The following DGKB variants were observed in gnomAD, a reference collection of about 807,000 sequenced individuals.
DGKB encodes the protein 90 kDa diacylglycerol kinase.
In DGKB, 67 loss-of-function variants were observed where a neutral mutation model predicts 114.3. The observed-to-expected ratio is 0.59, with a 90% CI of 0.48 to 0.72. DGKB has a LOEUF of 0.72. Ranked by LOEUF, DGKB falls within the 30% of genes least tolerant of loss-of-function variation. DGKB has a pLI of 0.00. For synonymous variants in DGKB, 398 were observed against 323.1 expected (o/e 1.23, Z -2.49); for missense variants, 907 against 975.2 (o/e 0.93, Z 0.93).
At chr7:14,181,215 C>G (rs73065755) in intron 23 of DGKB, among the ~76,000 whole-genome samples, 1 of 152,032 alleles carries the variant, frequency 6.6e-6, no homozygotes, top group South Asian at 2.1e-4. Context: ...ACCATATGGT[C>G]GACAAAGCTG....
upstream of DGKB, among the ~76,000 whole-genome samples, chr7:14,905,932 A>G (rs1313139229): frequency 6.6e-6 from 1 of 152,172 alleles, no homozygotes; most frequent in Admixed American, 6.5e-5. Flanking sequence ...CTGCTAAATA[A>G]CTGGCACTTT....
At chr7:14,855,364 T>G (rs1484240357) in intron 1 of DGKB, among the ~76,000 whole-genome samples, 1 of 152,170 alleles carries the variant, frequency 6.6e-6, no homozygotes, top group Non-Finnish European at 1.5e-5. Flanking sequence ...GGTATATAGT[T>G]TTAATCTTGA....
At chr7:14,171,281 G>A (rs1263730516) in intron 25 of DGKB, among the ~76,000 whole-genome samples, 2 of 152,164 alleles carry the variant, frequency 1.3e-5, no homozygotes, top group African/African-American at 4.8e-5. Flanking sequence ...TAGTCTACCT[G>A]TGATCATTTC....
At chr7:14,802,527 G>T (rs933667212) in intron 2 of DGKB, among the ~76,000 whole-genome samples, 17 of 151,944 alleles carry the variant, frequency 1.1e-4, no homozygotes, top group African/African-American at 3.6e-4. Context: ...TAAAAATTTT[G>T]TTAACATTCT....
At chr7:14,671,357 C>T (rs1818933529) in intron 13 of DGKB, among the ~76,000 whole-genome samples, 1 of 152,064 alleles carries the variant, frequency 6.6e-6, no homozygotes, top group Non-Finnish European at 1.5e-5. Flanking sequence ...TCATCACACG[C>T]TTCAGAGTAG....
chr7:14,388,335 T>C (rs1393848272), intron 21 of DGKB, among the ~76,000 whole-genome samples: 1 of 148,844 alleles, frequency 6.7e-6, no homozygotes, highest in Admixed American at 6.7e-5. Context: ...CATATATTCA[T>C]TTAAATATAT....
At chr7:14,542,634 C>A (rs966665900) in intron 20 of DGKB, among the ~76,000 whole-genome samples, 27 of 152,250 alleles carry the variant, frequency 1.8e-4, no homozygotes, top group African/African-American at 6.3e-4. Context: ...TTCAGACATT[C>A]AAACGTTAAG....
At chr7:14,908,578 C>G (rs1379777521) in intron 1 of DGKB, among the ~76,000 whole-genome samples, 2 of 152,084 alleles carry the variant, frequency 1.3e-5, no homozygotes, top group Non-Finnish European at 2.9e-5. Context: ...ATATTGTTTA[C>G]AATTTAGAGA....
At chr7:14,239,007 G>T (rs1417012943) in intron 23 of DGKB, among the ~76,000 whole-genome samples, 1 of 152,020 alleles carries the variant, frequency 6.6e-6, no homozygotes, top group South Asian at 2.1e-4. Context: ...TTCCAAGGGA[G>T]ATAGATGAAT....
intron 13 of DGKB, 35 bp downstream of exon 13, chr7:14,672,894 C>T: frequency 7.8e-7 from 1 of 1,283,070 alleles, no homozygotes; most frequent in Non-Finnish European, 1.1e-6. Flanking sequence ...TCACAGCAAT[C>T]CTAAGTTATA....
chr7:14,231,082 C>CTTT (rs1791668832), intron 23 of DGKB, among the ~76,000 whole-genome samples: 1 of 121,764 alleles, frequency 8.2e-6, no homozygotes, highest in African/African-American at 3.0e-5. Context: ...TTCTTCTTTC[C>CTTT]CTTTCTTTCT....
At position 14,919,062 on chromosome 7, in the gene DGKB, GCACA is replaced by G. The variant is rs767285844; in HGVS notation, c.-188+55630_-188+55633del. 1.9e-3 allele frequency among the ~76,000 whole-genome samples: 224 copies of G among 118,132 alleles called. 1 individual carries two copies. Among genetic ancestry groups the G allele is most frequent in the Non-Finnish European group, 2.2e-3 (124 of 57,502 alleles). The allele number at this position is 118,132 out of a possible 152,430, so 77.5% of individuals were successfully genotyped here. On this transcript the variant is annotated intron_variant, in intron 1 of 4. Transcript: ENST00000437998. ...GTGACAGAGTGAGACTCCACCACAC[GCACA>G]CACACACACACACACACACACACAC...
chr7:14,688,447 TG>T (rs1456600213), intron 9 of DGKB, among the ~76,000 whole-genome samples: 1 of 152,152 alleles, frequency 6.6e-6, no homozygotes, highest in East Asian at 1.9e-4. Flanking sequence ...GAAGTTAATT[TG>T]GTTTCTCAGA....
intron 23 of DGKB, among the ~76,000 whole-genome samples, chr7:14,244,039 G>C (rs982216221): frequency 1.4e-5 from 2 of 139,604 alleles, no homozygotes; most frequent in Non-Finnish European, 3.2e-5. Context: ...GAGAGAGACA[G>C]AGAGAGAGAG....
intron 2 of DGKB, among the ~76,000 whole-genome samples, chr7:14,840,396 A>T (rs1173527101): frequency 6.6e-6 from 1 of 152,060 alleles, no homozygotes; most frequent in East Asian, 1.9e-4. Context: ...TCTCTTCAAC[A>T]CCTGACCCAA....
At chr7:14,697,400 T>C (rs1282092961) in intron 8 of DGKB, among the ~76,000 whole-genome samples, 2 of 152,100 alleles carry the variant, frequency 1.3e-5, no homozygotes, top group Non-Finnish European at 2.9e-5. Flanking sequence ...CATGGAAAAC[T>C]ACCATCTTCT....
chr7:14,954,513 C>A (rs963156725), intron 1 of DGKB, among the ~76,000 whole-genome samples: 2 of 151,840 alleles, frequency 1.3e-5, no homozygotes, highest in South Asian at 2.1e-4. Context: ...ATTACTCCAG[C>A]CACTGAATTG....
chr7:14,165,063 C>T (rs369080889), intron 25 of DGKB, among the ~76,000 whole-genome samples: 3 of 152,226 alleles, frequency 2.0e-5, no homozygotes, highest in East Asian at 3.9e-4. Flanking sequence ...TTTCTATTTT[C>T]TGCCCCTTTG....
chr7:14,613,545 G>A (rs1404980591), intron 15 of DGKB, 132 bp from the exon 16 acceptor site: 2 of 606,132 alleles, frequency 3.3e-6, no homozygotes, highest in East Asian at 2.9e-5. Flanking sequence ...GTGTGTGTGT[G>A]CATGTGTGTG....
Sources: gnomAD v4.1 joint callset for allele counts (sites outside exome capture counted in the v4.1 genomes callset) on GRCh38, gnomAD v4.1.1 for gene constraint, MANE v1.5 for transcripts, NCBI Gene and HGNC (gene_info 2026-07-23, HGNC 2026-07-21) for gene names.